ACTR3C: variants seen among roughly 807,000 people sequenced by gnomAD.
The protein encoded by ACTR3C is actin related protein 3C, also known as actin-related protein 3C.
ACTR3C carries 18 observed loss-of-function variants against 26.3 expected under a neutral mutation model. The ratio of observed to expected loss-of-function variants is 0.68; its 90% CI spans 0.47 to 1.01. The LOEUF (loss-of-function observed/expected upper bound fraction) is 1.01, where lower values mean the gene tolerates loss of function less well. ACTR3C is among the 50% of genes least tolerant of loss of function. The probability of loss-of-function intolerance (pLI) is 0.00; values close to 1 mark genes in which losing one functional copy is unlikely to be tolerated. For synonymous variants in ACTR3C, 55 were observed against 94.5 expected, an observed-to-expected ratio of 0.58 and a Z score of 2.42; for missense variants, 184 against 250.7, an observed-to-expected ratio of 0.73 and a Z score of 1.80.
At chr7:149,907,482 C>CT in the ACTR3C span, among the ~76,000 whole-genome samples, 142 of 75,818 alleles carry the variant, frequency 1.9e-3, no homozygotes, top group South Asian at 0.019. Flanking sequence ...CTTCTCTTCT[C>CT]TCTCTCTCTC....
At chr7:150,129,351 C>T in the ACTR3C span, among the ~76,000 whole-genome samples, 5 of 152,284 alleles carry the variant, frequency 3.3e-5, no homozygotes, top group East Asian at 9.6e-4. Flanking sequence ...TAATCCCTCA[C>T]ACTTCTAGTC....
chr7:150,180,805 T>A, the ACTR3C span, among the ~76,000 whole-genome samples: 1 of 138,248 alleles, frequency 7.2e-6, no homozygotes, highest in Non-Finnish European at 1.6e-5. Flanking sequence ...CCACTGTGCC[T>A]GGCCAGTAGT....
At chr7:150,054,091 C>G in the ACTR3C span, among the ~76,000 whole-genome samples, 1 of 152,238 alleles carries the variant, frequency 6.6e-6, no homozygotes, top group South Asian at 2.1e-4. Context: ...GACAAACCCC[C>G]TTTTCAGATG....
At chr7:150,089,140 G>T in the ACTR3C span, among the ~76,000 whole-genome samples, 1 of 152,098 alleles carries the variant, frequency 6.6e-6, no homozygotes, top group African/African-American at 2.4e-5. Context: ...TCAAGTTTAT[G>T]AACTGAGATT....
chr7:150,107,766 A>G, the ACTR3C span, among the ~76,000 whole-genome samples: 2 of 151,584 alleles, frequency 1.3e-5, no homozygotes, highest in African/African-American at 4.9e-5. Flanking sequence ...AAAAGAAGGT[A>G]TGGGACCTGT....
the ACTR3C span, among the ~76,000 whole-genome samples, chr7:150,048,188 A>G: frequency 6.6e-6 from 1 of 151,870 alleles, no homozygotes; most frequent in African/African-American, 2.4e-5. Flanking sequence ...TTGAAGGAAG[A>G]AAAAAAACCA....
the ACTR3C span, among the ~76,000 whole-genome samples, chr7:149,889,469 A>G: frequency 6.6e-6 from 1 of 152,238 alleles, no homozygotes; most frequent in Non-Finnish European, 1.5e-5. Context: ...AAAAATTGGC[A>G]TGTATATTCC....
chr7:150,039,267 C>T, the ACTR3C span, among the ~76,000 whole-genome samples: 5 of 148,028 alleles, frequency 3.4e-5, no homozygotes, highest in Admixed American at 6.7e-5. Flanking sequence ...ATCTCTGCCT[C>T]GGGGGGGTGC....
chr7:150,202,647 G>T, the ACTR3C span, among the ~76,000 whole-genome samples: 84 of 152,244 alleles, frequency 5.5e-4, no homozygotes, highest in African/African-American at 1.9e-3. Flanking sequence ...TTCCAGAAAG[G>T]AAAATACAGG....
the ACTR3C span, among the ~76,000 whole-genome samples, chr7:150,102,596 A>C: frequency 6.6e-6 from 1 of 151,888 alleles, no homozygotes; most frequent in African/African-American, 2.4e-5. Flanking sequence ...GTTCCTTCCA[A>C]TTCTCACAGT....
At chr7:150,108,036 G>A in the ACTR3C span, among the ~76,000 whole-genome samples, 1 of 151,298 alleles carries the variant, frequency 6.6e-6, no homozygotes, top group East Asian at 1.9e-4. Flanking sequence ...ATGAACATCT[G>A]ATAGCCTGGA....
At chr7:150,195,020 G>T in the ACTR3C span, among the ~76,000 whole-genome samples, 1 of 151,742 alleles carries the variant, frequency 6.6e-6, no homozygotes, top group African/African-American at 2.4e-5. Flanking sequence ...TTTCAGTCCA[G>T]GAAGTGGAGG....
intron 5 of ACTR3C, among the ~76,000 whole-genome samples, 188 bp downstream of exon 5, chr7:150,286,179 G>A (rs1835754050): frequency 1.3e-5 from 2 of 151,940 alleles, no homozygotes; most frequent in Admixed American, 6.6e-5. Flanking sequence ...TATTAAAACA[G>A]ATAACCAGCT....
chr7:150,035,877 G>A, the ACTR3C span, among the ~76,000 whole-genome samples: 5 of 138,606 alleles, frequency 3.6e-5, 1 homozygote, highest in East Asian at 4.1e-4. Flanking sequence ...ACAGCCAGGG[G>A]CGGAAGAGGG....
chr7:150,239,801 G>A (rs144454385), downstream of ACTR3C, among the ~76,000 whole-genome samples: 15,584 of 149,632 alleles, frequency 0.1, 1,408 homozygotes, highest in African/African-American at 0.23. Context: ...ACCCAGATTG[G>A]AGTGCAGTGG....
the ACTR3C span, among the ~76,000 whole-genome samples, chr7:149,978,612 T>C: frequency 1.3e-5 from 2 of 152,204 alleles, no homozygotes; most frequent in Non-Finnish European, 2.9e-5. Context: ...AGAAGAAATA[T>C]ACAGTTGCTT....
intron 1 of ACTR3C, among the ~76,000 whole-genome samples, chr7:150,301,884 C>A (rs532455598): frequency 6.6e-6 from 1 of 151,884 alleles, no homozygotes. Context: ...AAAGAGAATT[C>A]GTGTTCAATG....
the ACTR3C span, among the ~76,000 whole-genome samples, chr7:150,118,300 G>A: frequency 6.6e-6 from 1 of 152,000 alleles, no homozygotes; most frequent in Non-Finnish European, 1.5e-5. Flanking sequence ...CTAAAGTAGT[G>A]TGTTCTAACC....
the ACTR3C span, among the ~76,000 whole-genome samples, chr7:150,184,544 G>A: frequency 0.087 from 13,039 of 149,592 alleles, 1,738 homozygotes; most frequent in African/African-American, 0.24. Flanking sequence ...CACTCACACC[G>A]CTAATGGTAC....
Sources: gnomAD v4.1 joint callset for allele counts (sites outside exome capture counted in the v4.1 genomes callset) on GRCh38, gnomAD v4.1.1 for gene constraint, MANE v1.5 for transcripts, NCBI Gene and HGNC (gene_info 2026-07-23, HGNC 2026-07-21) for gene names.